NPSR1: variants seen among roughly 807,000 people sequenced by gnomAD.
NPSR1 encodes neuropeptide S receptor 1, also known as neuropeptide S receptor.
In NPSR1, 48 loss-of-function variants were observed where a neutral mutation model predicts 46.9. The observed-to-expected ratio is 1.02, with a 90% CI of 0.81 to 1.30. The LOEUF is 1.30. Among genes scored for constraint, NPSR1 ranks in the 50% most tolerant of loss-of-function variants. The pLI is 0.00. For synonymous variants in NPSR1, 176 were observed against 168.1 expected, an observed-to-expected ratio of 1.05 and a Z score of -0.36; for missense variants, 450 against 449.5, an observed-to-expected ratio of 1.00 and a Z score of -0.01.
At position 34,811,781 on chromosome 7, in the gene NPSR1, C is replaced by G. The variant is rs9655357; in HGVS notation, c.396C>G (p.Leu132=). Residue 132 remains leucine, a synonymous_variant, in exon 4 of 9, where the codon CTC becomes CTG. Coordinates refer to ENST00000360581, the MANE Select transcript of NPSR1 (RefSeq NM_207172.2). ...ATTTCTGTCTTTAGGTTGTGCTGCT[C>G]TACGCCTCTACCTACGTCCTGGTGT... ...RVVRYLQVVL[L]YASTYVLVSL... is the part of the protein sequence containing the mutation. 279,271 of 1,605,366 alleles carry G rather than the reference C, an allele frequency of 0.17. 26,685 individuals carry two copies. Among genetic ancestry groups the G allele is most frequent in the East Asian group, 0.31 (13,929 of 44,730 alleles).
At chr7:34,808,458 A>G (rs1386351324) in intron 3 of NPSR1, among the ~76,000 whole-genome samples, 2 of 152,190 alleles carry the variant, frequency 1.3e-5, no homozygotes, top group Admixed American at 6.5e-5. Flanking sequence ...ACAAAATTGA[A>G]CATGATGTCT....
At chr7:34,789,602 G>A (rs1787626723) in intron 3 of NPSR1, among the ~76,000 whole-genome samples, 1 of 151,832 alleles carries the variant, frequency 6.6e-6, no homozygotes, top group South Asian at 2.1e-4. Context: ...ACACCAGCCT[G>A]ACCAACATGC....
chr7:34,774,310 G>A (rs1322050331), intron 2 of NPSR1, among the ~76,000 whole-genome samples: 2 of 152,166 alleles, frequency 1.3e-5, no homozygotes, highest in Admixed American at 6.5e-5. Flanking sequence ...AGCTATGCAA[G>A]GGCACTGGTA....
At chr7:34,841,366 T>C (rs1212676810) in intron 6 of NPSR1, among the ~76,000 whole-genome samples, 1 of 152,178 alleles carries the variant, frequency 6.6e-6, no homozygotes, top group East Asian at 1.9e-4. Flanking sequence ...GAGCCAGAAA[T>C]GGCCATTTGG....
intron 3 of NPSR1, among the ~76,000 whole-genome samples, chr7:34,782,990 A>G (rs1215716007): frequency 6.6e-6 from 1 of 152,184 alleles, no homozygotes; most frequent in Non-Finnish European, 1.5e-5. Context: ...TAAATGAAAT[A>G]ATAAATGCAC....
chr7:34,695,231 C>T (rs892336002), intron 2 of NPSR1, among the ~76,000 whole-genome samples: 3 of 152,118 alleles, frequency 2.0e-5, no homozygotes, highest in Non-Finnish European at 2.9e-5. Context: ...ACACCTTATT[C>T]AATAAATGGT....
intron 3 of NPSR1, among the ~76,000 whole-genome samples, chr7:34,798,025 AAAG>A (rs1336452568): frequency 2.6e-5 from 4 of 152,200 alleles, no homozygotes; most frequent in African/African-American, 9.7e-5. Context: ...AAAAATGCTA[AAAG>A]AAGTTCTTCA....
chr7:34,803,136 A>G (rs1386124106), intron 3 of NPSR1, among the ~76,000 whole-genome samples: 1 of 151,382 alleles, frequency 6.6e-6, no homozygotes, highest in Non-Finnish European at 1.5e-5. Flanking sequence ...AAACTAGTTC[A>G]ACCCTTGTGG....
intron 3 of NPSR1, among the ~76,000 whole-genome samples, chr7:34,793,274 A>C (rs999193716): frequency 1.4e-4 from 22 of 152,172 alleles, no homozygotes; most frequent in Admixed American, 8.5e-4. Context: ...TACAGTTTAC[A>C]GAATGGGAGA....
At chr7:34,689,009 T>C (rs1321346904) in intron 2 of NPSR1, among the ~76,000 whole-genome samples, 1 of 152,188 alleles carries the variant, frequency 6.6e-6, no homozygotes, top group Non-Finnish European at 1.5e-5. Context: ...ACTCTATGCC[T>C]AGGCACATCT....
At chr7:34,818,800 C>G (rs945473312) in intron 4 of NPSR1, among the ~76,000 whole-genome samples, 1 of 152,052 alleles carries the variant, frequency 6.6e-6, no homozygotes, top group Non-Finnish European at 1.5e-5. Flanking sequence ...ACAAACCTGA[C>G]AAAAACAAGA....
intron 6 of NPSR1, among the ~76,000 whole-genome samples, chr7:34,841,799 G>A (rs774638688): frequency 3.3e-5 from 5 of 152,128 alleles, no homozygotes; most frequent in East Asian, 1.9e-4. Context: ...TGTCATTCTC[G>A]AAAACTTTTC....
At chr7:34,796,556 T>C (rs1431939696) in intron 3 of NPSR1, among the ~76,000 whole-genome samples, 1 of 152,098 alleles carries the variant, frequency 6.6e-6, no homozygotes, top group Admixed American at 6.6e-5. Context: ...AGAAGGCAAA[T>C]AAGTAAATGA....
intron 1 of NPSR1, among the ~76,000 whole-genome samples, chr7:34,675,715 A>T (rs1230682764): frequency 6.6e-6 from 1 of 152,144 alleles, no homozygotes; most frequent in Non-Finnish European, 1.5e-5. Context: ...CATCAAAGGA[A>T]CCCTGCAATT....
intron 2 of NPSR1, among the ~76,000 whole-genome samples, chr7:34,709,596 T>C (rs1472675700): frequency 6.6e-6 from 1 of 152,196 alleles, no homozygotes; most frequent in Non-Finnish European, 1.5e-5. Context: ...TCCTTTACTC[T>C]GCTTCACTTT....
chr7:34,752,099 T>C (rs1785569671), intron 2 of NPSR1: 4 of 557,426 alleles, frequency 7.2e-6, no homozygotes, highest in Admixed American at 3.0e-5. Flanking sequence ...CTGGAAATTA[T>C]TGCCAGACCA....
chr7:34,810,118 G>A (rs763649836), intron 3 of NPSR1, among the ~76,000 whole-genome samples: 14 of 152,114 alleles, frequency 9.2e-5, no homozygotes, highest in Non-Finnish European at 1.5e-4. Context: ...CTGAGCCAGA[G>A]AAAGAACAAA....
rs147678384 is a variant in NPSR1, at chr7:34,737,572, G to A, written c.281-40890G>A. ...TTCAGTAACTTTCATATTCTAAACC[G>A]AGGGTCGATTATTTGAACGGACAGT... On this transcript the variant is annotated intron_variant, in intron 2 of 8. Coordinates refer to ENST00000360581, the MANE Select transcript of NPSR1 (RefSeq NM_207172.2). Among the ~76,000 whole-genome samples, 16 of 152,238 alleles carry A rather than the reference G, an allele frequency of 1.1e-4. No individual in the cohort carries two copies. In the East Asian group the frequency reaches 1.9e-3, roughly 18 times the overall value.
intron 8 of NPSR1, among the ~76,000 whole-genome samples, chr7:34,873,070 C>A (rs1791495372): frequency 6.6e-6 from 1 of 151,766 alleles, no homozygotes; most frequent in Non-Finnish European, 1.5e-5. Context: ...TTCTATAGAG[C>A]CTTAGGGCCT....
Sources: gnomAD v4.1 joint callset for allele counts (sites outside exome capture counted in the v4.1 genomes callset) on GRCh38, gnomAD v4.1.1 for gene constraint, MANE v1.5 for transcripts, NCBI Gene and HGNC (gene_info 2026-07-23, HGNC 2026-07-21) for gene names.